TAS2R1: variants seen among roughly 807,000 people sequenced by gnomAD.
TAS2R1 encodes taste 2 receptor member 1, also known as taste receptor type 2 member 1.
For synonymous variants in TAS2R1, 141 were observed against 134.2 expected, an observed-to-expected ratio of 1.05 and a Z score of -0.35; for missense variants, 370 against 353.4, an observed-to-expected ratio of 1.05 and a Z score of -0.38.
At chr5:9,643,879 G>C (rs1350385599) in intron 2 of TAS2R1, among the ~76,000 whole-genome samples, 1 of 152,140 alleles carries the variant, frequency 6.6e-6, no homozygotes, top group Non-Finnish European at 1.5e-5. Context: ...AGGAAAGCCT[G>C]ACCTCCCCAG....
At chr5:9,644,532 G>T (rs1182267815) in intron 2 of TAS2R1, among the ~76,000 whole-genome samples, 4 of 152,152 alleles carry the variant, frequency 2.6e-5, no homozygotes, top group African/African-American at 9.7e-5. Context: ...AAAATCAAGA[G>T]CTCTGTGTGG....
intron 2 of TAS2R1, among the ~76,000 whole-genome samples, chr5:9,643,969 C>T (rs1740138475): frequency 1.3e-5 from 2 of 152,110 alleles, no homozygotes; most frequent in South Asian, 4.1e-4. Flanking sequence ...AGTATCCTCA[C>T]TCCCCATCCC....
upstream of TAS2R1, among the ~76,000 whole-genome samples, chr5:9,714,965 C>T (rs1384123846): frequency 6.6e-6 from 1 of 152,208 alleles, no homozygotes; most frequent in Non-Finnish European, 1.5e-5. Flanking sequence ...CAGGATGTGC[C>T]AATTTGTCAG....
the TAS2R1 span, among the ~76,000 whole-genome samples, chr5:9,849,519 C>T: frequency 6.6e-6 from 1 of 152,218 alleles, no homozygotes; most frequent in African/African-American, 2.4e-5. Context: ...AACTAGACCA[C>T]CCAGCTCTGA....
chr5:9,869,740 C>T, the TAS2R1 span, among the ~76,000 whole-genome samples: 2 of 152,186 alleles, frequency 1.3e-5, no homozygotes, highest in African/African-American at 4.8e-5. Context: ...CCTGGTTTCC[C>T]CATGACTTTG....
At chr5:9,845,239 A>G in the TAS2R1 span, among the ~76,000 whole-genome samples, 1 of 152,188 alleles carries the variant, frequency 6.6e-6, no homozygotes, top group East Asian at 1.9e-4. Context: ...AGGAAAGGCC[A>G]TGTGAGCACA....
chr5:9,697,276 T>G (rs1741380295), intron 1 of TAS2R1, among the ~76,000 whole-genome samples: 2 of 152,082 alleles, frequency 1.3e-5, no homozygotes, highest in Non-Finnish European at 2.9e-5. Context: ...ATACAAAATT[T>G]TGTTCACGTT....
chr5:9,836,506 A>C, the TAS2R1 span, among the ~76,000 whole-genome samples: 9,047 of 152,036 alleles, frequency 0.06, 632 homozygotes, highest in East Asian at 0.23. Context: ...CCAGGTTATG[A>C]CAACCAAAAT....
chr5:9,773,006 A>T, the TAS2R1 span, among the ~76,000 whole-genome samples: 1 of 152,058 alleles, frequency 6.6e-6, no homozygotes. Flanking sequence ...ACCATGTACC[A>T]ATGTTATTAT....
the TAS2R1 span, among the ~76,000 whole-genome samples, chr5:9,733,357 G>A: frequency 3.9e-5 from 6 of 152,294 alleles, no homozygotes; most frequent in East Asian, 1.9e-4. Context: ...CAAACAGCCC[G>A]CAAAGCATAA....
chr5:9,704,970 A>G (rs1242234715), intron 1 of TAS2R1, among the ~76,000 whole-genome samples: 1 of 152,242 alleles, frequency 6.6e-6, no homozygotes, highest in African/African-American at 2.4e-5. Context: ...TATTCATTGC[A>G]GGATTATTTG....
the TAS2R1 span, among the ~76,000 whole-genome samples, chr5:9,849,187 A>G: frequency 6.6e-6 from 1 of 152,186 alleles, no homozygotes. Flanking sequence ...AGACACATGG[A>G]TCAGAATTAA....
At chr5:9,649,026 C>T (rs749599246) in intron 2 of TAS2R1, among the ~76,000 whole-genome samples, 1 of 152,140 alleles carries the variant, frequency 6.6e-6, no homozygotes, top group African/African-American at 2.4e-5. Context: ...GAAACACTTG[C>T]TTAATTCCGA....
the TAS2R1 span, among the ~76,000 whole-genome samples, chr5:9,788,188 G>T: frequency 6.6e-6 from 1 of 152,180 alleles, no homozygotes; most frequent in Non-Finnish European, 1.5e-5. Flanking sequence ...CACATAGAAA[G>T]GTATATGTGT....
intron 1 of TAS2R1, among the ~76,000 whole-genome samples, chr5:9,675,801 C>G (rs764667429): frequency 6.6e-5 from 10 of 152,130 alleles, no homozygotes; most frequent in Admixed American, 1.3e-4. Context: ...CATCTGCAAA[C>G]AGAAATCATT....
chr5:9,815,363 T>G, the TAS2R1 span, among the ~76,000 whole-genome samples: 1 of 152,192 alleles, frequency 6.6e-6, no homozygotes. Context: ...ACAACTGGTG[T>G]AAGTGAACCC....
intron 2 of TAS2R1, among the ~76,000 whole-genome samples, chr5:9,657,419 G>A (rs1023825614): frequency 5.3e-5 from 8 of 152,084 alleles, no homozygotes; most frequent in African/African-American, 1.2e-4. Flanking sequence ...TAAAAATACC[G>A]AGCTCTGATT....
chr5:9,707,744 C>T lies in TAS2R1; in HGVS notation c.-242+4428G>A, dbSNP rs574685912. 2.6e-5 allele frequency among the ~76,000 whole-genome samples: 4 copies of T among 152,120 alleles called. No homozygotes were observed. The South Asian group carries it at 8.3e-4, about 32-fold the overall frequency. ...TTGCAGCTCTCGGTGCAAGCCCTCC[C>T]CCAAGCTTTTGTTCTGTGTAACCTC... On this transcript the variant is annotated intron_variant, in intron 1 of 2. Coordinates refer to the TAS2R1 transcript ENST00000506620.
chr5:9,707,925 C>T (rs1741651032), intron 1 of TAS2R1, among the ~76,000 whole-genome samples: 1 of 152,130 alleles, frequency 6.6e-6, no homozygotes, highest in Admixed American at 6.6e-5. Flanking sequence ...ACATGCCACT[C>T]TCTGCCTGGA....
Sources: allele counts gnomAD v4.1 joint callset (sites outside exome capture counted in the v4.1 genomes callset), GRCh38; gene constraint gnomAD v4.1.1; transcripts MANE v1.5; gene names NCBI Gene and HGNC (gene_info 2026-07-23, HGNC 2026-07-21).